LHPP: variants seen among roughly 807,000 people sequenced by gnomAD.
LHPP encodes the protein hLHPP.
LHPP carries 24 observed loss-of-function variants against 30.3 expected under a neutral mutation model. That is an observed-to-expected ratio of 0.79 (90% CI 0.57 to 1.11). LHPP has a LOEUF of 1.11. LHPP is among the 50% of genes most tolerant of loss of function. The pLI is 0.00. For synonymous variants in LHPP, 150 were observed against 157.1 expected (o/e 0.95, Z 0.34); for missense variants, 356 against 367.2 (o/e 0.97, Z 0.25).
intron 6 of LHPP, among the ~76,000 whole-genome samples, chr10:124,569,258 G>C (rs1948545638): frequency 6.6e-6 from 1 of 152,334 alleles, no homozygotes; most frequent in South Asian, 2.1e-4. Flanking sequence ...TCTAGCAAAA[G>C]TGGGGATTTT....
intron 6 of LHPP, among the ~76,000 whole-genome samples, chr10:124,533,374 T>C (rs558328150): frequency 1.8e-4 from 27 of 152,270 alleles, no homozygotes; most frequent in African/African-American, 6.0e-4. Context: ...CGTGGGGGGT[T>C]GGATGGACCA....
chr10:124,493,397 C>T (rs542942323), intron 3 of LHPP, among the ~76,000 whole-genome samples: 187 of 152,326 alleles, frequency 1.2e-3, no homozygotes, highest in African/African-American at 3.8e-3. Flanking sequence ...CACAGGGGCA[C>T]AGGCTGAGCG....
At chr10:124,524,028 T>A (rs1475117582) in intron 6 of LHPP, among the ~76,000 whole-genome samples, 2 of 152,180 alleles carry the variant, frequency 1.3e-5, no homozygotes, top group African/African-American at 2.4e-5. Flanking sequence ...AATTTAAGCC[T>A]GTACACTTTT....
intron 6 of LHPP, among the ~76,000 whole-genome samples, chr10:124,538,234 T>A (rs1214801676): frequency 6.6e-6 from 1 of 151,866 alleles, no homozygotes; most frequent in African/African-American, 2.4e-5. Context: ...CATGTGGGGC[T>A]TCAGGAGCTT....
chr10:124,573,408 C>G (rs753651782), intron 6 of LHPP, among the ~76,000 whole-genome samples: 15 of 152,314 alleles, frequency 9.8e-5, no homozygotes, highest in Non-Finnish European at 1.8e-4. Flanking sequence ...TAGTCTCCAC[C>G]TCAAGTGATC....
chr10:124,538,879 C>T (rs1470169212), intron 6 of LHPP, among the ~76,000 whole-genome samples: 2 of 152,188 alleles, frequency 1.3e-5, no homozygotes, highest in Non-Finnish European at 2.9e-5. Flanking sequence ...CTCCTGCAGC[C>T]GTGGCGTGGC....
intron 6 of LHPP, among the ~76,000 whole-genome samples, chr10:124,531,232 C>A (rs879374595): frequency 3.9e-5 from 6 of 152,168 alleles, no homozygotes; most frequent in Non-Finnish European, 8.8e-5. Flanking sequence ...CAACCCCACA[C>A]CCCGTCTCAA....
chr10:124,526,238 C>T (rs937592744), intron 6 of LHPP: 1 of 985,346 alleles, frequency 1.0e-6, no homozygotes, highest in Non-Finnish European at 1.2e-6. Context: ...AGCGCGTTCC[C>T]CAGGAGCTGG....
rs773779673 is a variant in LHPP at position 124,484,257 on chromosome 10, GC to G, written c.248del (p.Pro83ArgfsTer9). 50 of 1,613,874 alleles carry G rather than the reference GC, an allele frequency of 3.1e-5. No individual in the cohort carries two copies. The Admixed American group carries it at 6.3e-4, about 20-fold the overall frequency. ...TGACATCTCTGAGCAGGAGGTGACC[GC>G]CCCGGCACCAGCTGCCTGCCAGATC... The part of the protein sequence containing the change: ...GFDISEQEVT[A>X]PAPAACQILK... On this transcript the variant is annotated frameshift_variant, in exon 2 of 7. Coordinates refer to ENST00000368842, the MANE Select transcript of LHPP (RefSeq NM_022126.4). LOFTEE classifies it high-confidence loss of function.
chr10:124,536,362 C>G (rs765593597), intron 6 of LHPP, among the ~76,000 whole-genome samples: 33 of 152,214 alleles, frequency 2.2e-4, no homozygotes, highest in Non-Finnish European at 4.1e-4. Flanking sequence ...CGGTAGTGTT[C>G]CCGCATGCAG....
chr10:124,574,624 G>A (rs889079167), intron 6 of LHPP, among the ~76,000 whole-genome samples: 24 of 152,184 alleles, frequency 1.6e-4, no homozygotes, highest in African/African-American at 5.3e-4. Flanking sequence ...GAGGGGAGTG[G>A]TCGCATCCCA....
At chr10:124,500,853 G>T (rs981010400) in intron 5 of LHPP, among the ~76,000 whole-genome samples, 1 of 151,958 alleles carries the variant, frequency 6.6e-6, no homozygotes, top group Admixed American at 6.5e-5. Flanking sequence ...GTTCCTCAAA[G>T]TTAAACATAG....
intron 1 of LHPP, among the ~76,000 whole-genome samples, chr10:124,482,385 G>A (rs549212914): frequency 9.9e-5 from 15 of 152,284 alleles, no homozygotes; most frequent in South Asian, 6.2e-4. Context: ...TGTGTGTTTC[G>A]GGACCTGTCT....
chr10:124,492,352 A>G (rs1953559502), intron 3 of LHPP, among the ~76,000 whole-genome samples: 1 of 152,242 alleles, frequency 6.6e-6, no homozygotes, highest in African/African-American at 2.4e-5. Context: ...TTCCTCAGAG[A>G]AGCCCGAAGC....
intron 1 of LHPP, among the ~76,000 whole-genome samples, chr10:124,467,880 T>C (rs577255497): frequency 1.3e-5 from 2 of 152,168 alleles, no homozygotes; most frequent in Admixed American, 6.5e-5. Context: ...GGTTAATCAT[T>C]TGTATTTTTA....
chr10:124,607,275 T>G (rs1341051860), intron 6 of LHPP, among the ~76,000 whole-genome samples: 1 of 152,140 alleles, frequency 6.6e-6, no homozygotes, highest in African/African-American at 2.4e-5. Flanking sequence ...CCCAGGCCAT[T>G]GGACAAAGCA....
intron 6 of LHPP, among the ~76,000 whole-genome samples, chr10:124,611,812 G>C (rs571984254): frequency 5.9e-5 from 9 of 152,302 alleles, no homozygotes; most frequent in Admixed American, 3.9e-4. Context: ...GATGACGTGA[G>C]AACCAACTTC....
chr10:124,608,013 G>C (rs1949118207), intron 6 of LHPP, among the ~76,000 whole-genome samples: 1 of 152,192 alleles, frequency 6.6e-6, no homozygotes, highest in African/African-American at 2.4e-5. Context: ...GTGAGACCAG[G>C]GAATAGAAGC....
chr10:124,482,968 C>T (rs1017713817), intron 1 of LHPP, among the ~76,000 whole-genome samples: 4 of 152,228 alleles, frequency 2.6e-5, no homozygotes, highest in African/African-American at 9.6e-5. Context: ...CAGCTCTGTG[C>T]ACCAGGCCAG....
Sources: allele counts gnomAD v4.1 joint callset (sites outside exome capture counted in the v4.1 genomes callset), GRCh38; gene constraint gnomAD v4.1.1; transcripts MANE v1.5; gene names NCBI Gene and HGNC (gene_info 2026-07-23, HGNC 2026-07-21).